Variants in ATP13A3 observed in about 807,000 individuals in gnomAD.
The protein encoded by ATP13A3 is polyamine-transporting ATPase 13A3.
In ATP13A3, 59 loss-of-function variants were observed where a neutral mutation model predicts 158.1. That is an observed-to-expected ratio of 0.37 (90% CI 0.30 to 0.46). The LOEUF (loss-of-function observed/expected upper bound fraction) is 0.46. ATP13A3 is among the 20% of genes least tolerant of loss of function. ATP13A3 has a pLI of 1.00. For missense variants in ATP13A3, 1,166 were observed against 1,525.2 expected (o/e 0.76, Z 3.92); for synonymous variants, 491 against 504.3 (o/e 0.97, Z 0.35).
intron 21 of ATP13A3, among the ~76,000 whole-genome samples, chr3:194,432,907 G>C (rs886491132): frequency 6.6e-6 from 1 of 151,958 alleles, no homozygotes; most frequent in Non-Finnish European, 1.5e-5. Context: ...GTAACATCAG[G>C]AGAATCCCTT....
In ATP13A3 at chr3:194,459,561, G is replaced by A. The variant is rs79943531; in HGVS notation, c.409-20C>T. 16,920 of 1,570,634 alleles carry A rather than the reference G, an allele frequency of 0.011. 304 individuals are homozygous for A. Among genetic ancestry groups the A allele is most frequent in the East Asian group, 0.068 (3,013 of 44,524 alleles). ...ACGAATCTGTGGAACACAAATAAAC[G>A]TTACACCAAAAAGCATATAATCACT... On this transcript the variant is annotated intron_variant, in intron 5 of 33. Coordinates refer to ENST00000645319, the MANE Select transcript of ATP13A3 (RefSeq NM_001367549.1).
chr3:194,403,481 T>C lies in ATP13A3; in HGVS notation c.*2438A>G, dbSNP rs903621250. The C allele has an allele frequency of 6.6e-6, 1 of 152,216 alleles. No individual in the cohort carries two copies. The highest frequency in any genetic ancestry group is 1.5e-5 in the Non-Finnish European group (1 of 68,032). The allele number at this position is 152,216 out of a possible 1,614,324, so 9.4% of individuals were successfully genotyped here. On this transcript the variant is annotated 3_prime_UTR_variant, in exon 34 of 34. Coordinates refer to ENST00000645319, the MANE Select transcript of ATP13A3 (RefSeq NM_001367549.1). ...AGACACACATTAAAAATCTTGTTAT[T>C]TATTTAAAAAGTTAAAAAGTTACAT...
intron 3 of ATP13A3, among the ~76,000 whole-genome samples, chr3:194,461,813 G>C (rs1719684058): frequency 6.6e-6 from 1 of 152,026 alleles, no homozygotes; most frequent in Non-Finnish European, 1.5e-5. Context: ...GAAAATTTTT[G>C]TAAGTCAAAA....
intron 30 of ATP13A3, among the ~76,000 whole-genome samples, chr3:194,420,756 G>A (rs1159157286): frequency 1.3e-5 from 2 of 152,024 alleles, no homozygotes; most frequent in Non-Finnish European, 2.9e-5. Flanking sequence ...GCATATACTT[G>A]TATAATAATA....
chr3:194,429,531 A>AGT (rs1717063656), intron 27 of ATP13A3, 147 bp downstream of exon 27: 5 of 473,914 alleles, frequency 1.1e-5, no homozygotes, highest in Non-Finnish European at 1.8e-5. Context: ...TTTGCTATTC[A>AGT]AACTACAGTA....
intron 2 of ATP13A3, among the ~76,000 whole-genome samples, chr3:194,463,190 A>G (rs926380447): frequency 6.6e-6 from 1 of 152,118 alleles, no homozygotes; most frequent in African/African-American, 2.4e-5. Context: ...TGACTCCATC[A>G]TTCGATTCCA....
Position 194,433,907 on chromosome 3 carries a change from A to C in ATP13A3, c.2121-11T>G, listed in dbSNP as rs368964327. 15 of 1,612,312 alleles carry C rather than the reference A, an allele frequency of 9.3e-6. No homozygotes were observed. Among genetic ancestry groups the C allele is most frequent in the Non-Finnish European group, 1.3e-5 (15 of 1,179,000 alleles). ...TTCTCAATTGCATCTCTGCAGAAAA[A>C]GAAGTTTTAACACATAATGGTTTAG... On this transcript the variant is annotated splice_polypyrimidine_tract_variant and intron_variant, in intron 20 of 33. Coordinates refer to ENST00000645319, the MANE Select transcript of ATP13A3 (RefSeq NM_001367549.1).
intron 1 of ATP13A3, among the ~76,000 whole-genome samples, chr3:194,486,305 A>C (rs11918218): frequency 0.12 from 18,479 of 151,676 alleles, 2,069 homozygotes; most frequent in African/African-American, 0.29. Context: ...GACTTTCCGA[A>C]AGCTCTGACT....
chr3:194,432,606 G>T (rs1717308273), intron 21 of ATP13A3, among the ~76,000 whole-genome samples: 1 of 152,198 alleles, frequency 6.6e-6, no homozygotes, highest in African/African-American at 2.4e-5. Flanking sequence ...GGAGGACGAG[G>T]AACAGGTGAA....
intron 2 of ATP13A3, among the ~76,000 whole-genome samples, chr3:194,485,571 A>T (rs1159898911): frequency 6.6e-6 from 1 of 152,204 alleles, no homozygotes; most frequent in Non-Finnish European, 1.5e-5. Flanking sequence ...AAGTCCCTGC[A>T]TTTCTTAGAT....
intron 33 of ATP13A3, among the ~76,000 whole-genome samples, chr3:194,408,979 G>A (rs1472326844): frequency 2.0e-5 from 3 of 152,188 alleles, no homozygotes; most frequent in African/African-American, 7.2e-5. Context: ...GAATGAGCAT[G>A]TGGGTCTCTC....
At position 194,448,693 on chromosome 3, in the gene ATP13A3, AG is replaced by A; in HGVS notation, c.971-58del. 4 of 1,538,648 alleles carry A rather than the reference AG, an allele frequency of 2.6e-6. No individual in the cohort carries two copies. The Admixed American group carries it at 7.7e-5, about 30-fold the overall frequency. On this transcript the variant is annotated intron_variant, in intron 11 of 33. Transcript: ENST00000645319. This position sits in a 1 kb window ranked among gnomAD's most constrained non-coding sequence, Gnocchi z 4.0. Reference sequence around the variant, plus strand: ...TTTACAAATTATTAAACGAAAGCACAGGAATCAGTATCGAACACCAAAAAAT... The same window carrying A: ...TTTACAAATTATTAAACGAAAGCACAGAATCAGTATCGAACACCAAAAAAT...
At chr3:194,444,063 AT>A (rs1560093285) in intron 15 of ATP13A3, among the ~76,000 whole-genome samples, 2 of 152,232 alleles carry the variant, frequency 1.3e-5, no homozygotes, top group Non-Finnish European at 2.9e-5. Context: ...GTCTGACAAT[AT>A]TAAGTTTGGC....
chr3:194,492,489 C>T (rs139164608), intron 2 of ATP13A3, among the ~76,000 whole-genome samples: 2,880 of 148,610 alleles, frequency 0.019, 37 homozygotes, highest in Middle Eastern at 0.052. Context: ...GACAGAGTCT[C>T]GTTGGGTCAC....
chr3:194,468,531 T>A (rs1406078791), intron 2 of ATP13A3, among the ~76,000 whole-genome samples: 4 of 152,220 alleles, frequency 2.6e-5, no homozygotes, highest in Non-Finnish European at 5.9e-5. Context: ...ATACTATTTA[T>A]CCTATACCAT....
chr3:194,411,878 G>A (rs549851575), intron 33 of ATP13A3, among the ~76,000 whole-genome samples: 1 of 152,194 alleles, frequency 6.6e-6, no homozygotes, highest in Admixed American at 6.5e-5. Flanking sequence ...ATTTATAGTA[G>A]ATTGAAATGG....
Position 194,459,898 on chromosome 3 carries a change from T to G in ATP13A3, c.299A>C (p.Lys100Thr). 6.2e-7 allele frequency: 1 copy of G among 1,613,304 alleles called. No homozygotes were observed. Among genetic ancestry groups the G allele is most frequent in the Non-Finnish European group, 8.5e-7 (1 of 1,179,576 alleles). ...ATTTGAAAGCTTATTAGACATAGATTTTGGACTTGAAACTGGGTAAGTTTC... is the reference window on the plus strand; with the variant it reads ...ATTTGAAAGCTTATTAGACATAGATGTTGGACTTGAAACTGGGTAAGTTTC... Reference protein sequence around the residue: ...SLETYPVSSPKSMSNKLSNGH... With the variant: ...SLETYPVSSPTSMSNKLSNGH... Residue 100 changes from lysine to threonine, a missense_variant, in exon 5 of 34, where the codon AAA (lysine) becomes ACA (threonine). Lys to Thr is a moderately conservative substitution (Grantham distance 78). This residue lies in a region of ATP13A3 where 104 missense variants were observed against 91.7 expected (regional missense o/e 1.13). Coordinates refer to ENST00000645319, the MANE Select transcript of ATP13A3 (RefSeq NM_001367549.1).
chr3:194,436,584 T>C (rs1717651381), intron 20 of ATP13A3, among the ~76,000 whole-genome samples: 1 of 152,178 alleles, frequency 6.6e-6, no homozygotes. Context: ...AAACATGATG[T>C]TACAATAACA....
chr3:194,464,206 T>C lies in ATP13A3; in HGVS notation c.-46-1970A>G, dbSNP rs572336239. ...TGTACAGTTACTTACGTCGTTTTAA[T>C]AATTTCACTCCTAACTACGACATTC... On this transcript the variant is annotated intron_variant, in intron 2 of 33. Transcript: ENST00000645319. Among the ~76,000 whole-genome samples, 8 of 152,298 alleles carry C rather than the reference T, an allele frequency of 5.3e-5. No individual in the cohort carries two copies. The East Asian group carries it at 1.5e-3, about 29-fold the overall frequency.
Sources: allele counts gnomAD v4.1 joint callset (sites outside exome capture counted in the v4.1 genomes callset), GRCh38; gene constraint gnomAD v4.1.1; regional missense constraint gnomAD v4.1.1; non-coding constraint Gnocchi (gnomAD v3.1); transcripts MANE v1.5; gene names NCBI Gene and HGNC (gene_info 2026-07-23, HGNC 2026-07-21).